The following CCPG1 variants were observed in gnomAD, a reference collection of about 807,000 sequenced individuals.
CCPG1 encodes cell cycle progression protein 1.
In CCPG1, 46 loss-of-function variants were observed where a neutral mutation model predicts 81.3. That is an observed-to-expected ratio of 0.57 (90% confidence interval 0.45 to 0.72). The LOEUF (loss-of-function observed/expected upper bound fraction) is 0.72. CCPG1 is among the 30% of genes least tolerant of loss of function. CCPG1 has a pLI of 0.00. For missense variants in CCPG1, 902 were observed against 937.6 expected (o/e 0.96, Z 0.50); for synonymous variants, 330 against 305.2 (o/e 1.08, Z -0.85).
chr15:55,392,692 T>A (rs1301107904), intron 1 of CCPG1, among the ~76,000 whole-genome samples: 1 of 152,158 alleles, frequency 6.6e-6, no homozygotes, highest in East Asian at 1.9e-4. Flanking sequence ...AATATTTGTA[T>A]TTTTTGTAAA....
At chr15:55,400,887 G>T (rs1305753285) in intron 1 of CCPG1, among the ~76,000 whole-genome samples, 3 of 152,092 alleles carry the variant, frequency 2.0e-5, no homozygotes, top group African/African-American at 7.2e-5. Context: ...TATAAGTTGG[G>T]TCATGAATTA....
intron 1 of CCPG1, among the ~76,000 whole-genome samples, chr15:55,397,227 C>CAA (rs199970646): frequency 3.9e-4 from 57 of 146,058 alleles, no homozygotes; most frequent in Middle Eastern, 3.5e-3. Context: ...AAAAAACAAA[C>CAA]AAAAAAAAAA....
intron 1 of CCPG1, chr15:55,398,226 T>C (rs1340370083): frequency 1.3e-5 from 2 of 152,166 alleles, no homozygotes; most frequent in East Asian, 1.9e-4. Context: ...TTACCTGATA[T>C]GATGGTGCCC....
chr15:55,378,194 T>C, intron 4 of CCPG1, 106 bp downstream of exon 4: 1 of 635,570 alleles, frequency 1.6e-6, no homozygotes, highest in Non-Finnish European at 2.6e-6. Context: ...TCAAAATTGC[T>C]TATAATTCAA....
At chr15:55,405,289 G>A (rs1011719713) in intron 1 of CCPG1, among the ~76,000 whole-genome samples, 1 of 152,142 alleles carries the variant, frequency 6.6e-6, no homozygotes, top group African/African-American at 2.4e-5. Flanking sequence ...TTGAAACCAG[G>A]AGGCGGAGGT....
At chr15:55,403,712 CAGGA>C (rs1246967371) in intron 1 of CCPG1, among the ~76,000 whole-genome samples, 1 of 152,138 alleles carries the variant, frequency 6.6e-6, no homozygotes. Context: ...ATGGAACTGT[CAGGA>C]AGGAAATTTG....
intron 6 of CCPG1, among the ~76,000 whole-genome samples, chr15:55,370,996 C>T (rs2141266599): frequency 6.6e-6 from 1 of 151,964 alleles, no homozygotes. Flanking sequence ...GCCTGTTATC[C>T]CAGTTACTCC....
intron 6 of CCPG1, among the ~76,000 whole-genome samples, chr15:55,368,557 A>G (rs544546024): frequency 6.6e-6 from 1 of 152,318 alleles, no homozygotes; most frequent in South Asian, 2.1e-4. Flanking sequence ...AGAAAACCAA[A>G]TCAATTGAAC....
At chr15:55,358,266 G>T in intron 8 of CCPG1, 1 of 576,046 alleles carries the variant, frequency 1.7e-6, no homozygotes, top group African/African-American at 2.0e-5. Context: ...GAAGGAAAAA[G>T]AAATTCATGC....
chr15:55,365,419 G>GTTTTTTTTTTGTTT (rs2056303054), intron 6 of CCPG1, 110 bp from the exon 7 acceptor site: 1 of 446,370 alleles, frequency 2.2e-6, no homozygotes. Flanking sequence ...TCTTTTTTTT[G>GTTTTTTTTTTGTTT]TTTTTTTTTT....
chr15:55,374,300 A>T (rs757982765), intron 5 of CCPG1: 1 of 955,690 alleles, frequency 1.0e-6, no homozygotes, highest in African/African-American at 1.7e-5. Flanking sequence ...TATTATAAAG[A>T]CTAAAAAGAA....
intron 3 of CCPG1, among the ~76,000 whole-genome samples, chr15:55,380,562 T>C (rs1456288109): frequency 6.6e-6 from 1 of 151,862 alleles, no homozygotes; most frequent in Non-Finnish European, 1.5e-5. Flanking sequence ...CCCAAAGTGC[T>C]GGGATTATAG....
intron 7 of CCPG1, among the ~76,000 whole-genome samples, chr15:55,364,347 T>C (rs943743637): frequency 6.6e-5 from 10 of 150,394 alleles, no homozygotes; most frequent in African/African-American, 2.2e-4. Context: ...TGTCCCCTGA[T>C]CAAGAGAAGA....
At chr15:55,376,881 T>C in intron 5 of CCPG1, 68 bp downstream of exon 5, 1 of 1,130,516 alleles carries the variant, frequency 8.8e-7, no homozygotes, top group African/African-American at 1.5e-5. Context: ...TTATTAGGGG[T>C]AGAAAACAAG....
chr15:55,391,550 A>T (rs544640023), intron 1 of CCPG1, among the ~76,000 whole-genome samples: 1 of 152,328 alleles, frequency 6.6e-6, no homozygotes, highest in African/African-American at 2.4e-5. Flanking sequence ...AATGACAGAA[A>T]TACACAAAGA....
intron 8 of CCPG1, chr15:55,359,272 G>A (rs1250576174): frequency 8.9e-7 from 1 of 1,128,966 alleles, no homozygotes; most frequent in African/African-American, 1.6e-5. Flanking sequence ...GCCAAAGTAG[G>A]ATTTTATATA....
At position 55,356,189 on chromosome 15, in the gene CCPG1, T is replaced by C. The variant is rs776269711; in HGVS notation, c.*31A>G. ...ATTATACAAAGCATAAATTTTTCTCTTACAGTTGTCTAATTTAACTCAATT... is the reference window on the plus strand; with the variant it reads ...ATTATACAAAGCATAAATTTTTCTCCTACAGTTGTCTAATTTAACTCAATT... On this transcript the variant is annotated 3_prime_UTR_variant, in exon 9 of 9. Coordinates refer to ENST00000442196, the MANE Select transcript of CCPG1 (RefSeq NM_001204450.2). The C allele has an allele frequency of 3.4e-5, 50 of 1,483,180 alleles. No individual in the cohort carries two copies. The South Asian group carries it at 6.3e-4, about 19-fold the overall frequency. 91.9% of individuals were successfully genotyped at this position (1,483,180 alleles called of 1,614,324 possible).
chr15:55,384,459 A>C (rs2056761075), intron 3 of CCPG1, among the ~76,000 whole-genome samples: 1 of 152,192 alleles, frequency 6.6e-6, no homozygotes, highest in African/African-American at 2.4e-5. Context: ...CAGGAGTTCG[A>C]GACCAGGCTA....
At chr15:55,369,528 C>T (rs1438265340) in intron 6 of CCPG1, among the ~76,000 whole-genome samples, 3 of 150,338 alleles carry the variant, frequency 2.0e-5, no homozygotes, top group East Asian at 3.9e-4. Context: ...GAGCAAAACT[C>T]TGTCTCAAAA....
Sources: gnomAD v4.1 joint callset for allele counts (sites outside exome capture counted in the v4.1 genomes callset) on GRCh38, gnomAD v4.1.1 for gene constraint, MANE v1.5 for transcripts, NCBI Gene and HGNC (gene_info 2026-07-23, HGNC 2026-07-21) for gene names.